The following GPC6 variants were observed in gnomAD, a reference collection of about 807,000 sequenced individuals.
The protein encoded by GPC6 is glypican-6.
GPC6 carries 14 observed loss-of-function variants against 55.2 expected under a neutral mutation model. The ratio of observed to expected loss-of-function variants is 0.25; its 90% CI spans 0.17 to 0.40. The LOEUF (loss-of-function observed/expected upper bound fraction) is 0.40, where lower values mean the gene tolerates loss of function less well. GPC6 is among the 10% of genes least tolerant of loss of function. GPC6 has a pLI of 1.00. For synonymous variants in GPC6, 278 were observed against 259.6 expected, an observed-to-expected ratio of 1.07 and a Z score of -0.68; for missense variants, 641 against 708.5, an observed-to-expected ratio of 0.90 and a Z score of 1.08.
chr13:93,414,956 A>G (rs1876644201), intron 1 of GPC6, among the ~76,000 whole-genome samples: 2 of 152,200 alleles, frequency 1.3e-5, no homozygotes, highest in African/African-American at 4.8e-5. Context: ...TGTTTTAGCA[A>G]GAAAACAAAA....
At chr13:94,109,992 T>C (rs977263760) in intron 4 of GPC6, among the ~76,000 whole-genome samples, 2 of 150,622 alleles carry the variant, frequency 1.3e-5, no homozygotes, top group Non-Finnish European at 2.9e-5. Flanking sequence ...AACATAATGA[T>C]TTGCAAAGCT....
intron 1 of GPC6, among the ~76,000 whole-genome samples, chr13:93,487,841 A>G (rs2139350587): frequency 6.6e-6 from 1 of 152,322 alleles, no homozygotes; most frequent in East Asian, 1.9e-4. Flanking sequence ...AATCTGTTTT[A>G]TTTACTGAAA....
intron 1 of GPC6, among the ~76,000 whole-genome samples, chr13:93,491,966 C>G (rs1330668098): frequency 8.0e-6 from 1 of 125,316 alleles, no homozygotes; most frequent in Non-Finnish European, 1.7e-5. Flanking sequence ...ATGCCTCCAG[C>G]TTTGTTCTTT....
intron 3 of GPC6, among the ~76,000 whole-genome samples, chr13:93,914,181 A>G (rs893986897): frequency 6.6e-6 from 1 of 151,958 alleles, no homozygotes; most frequent in African/African-American, 2.4e-5. Context: ...TCGTCATTTA[A>G]CATTAGGTAT....
chr13:93,738,945 ACACACAC>A (rs1884098152), intron 2 of GPC6, among the ~76,000 whole-genome samples: 1 of 132,892 alleles, frequency 7.5e-6, no homozygotes, highest in African/African-American at 2.9e-5. Context: ...TTACACACAC[ACACACAC>A]ACACACACAC....
At chr13:94,144,391 T>C (rs1203169881) in intron 4 of GPC6, among the ~76,000 whole-genome samples, 1 of 139,030 alleles carries the variant, frequency 7.2e-6, no homozygotes, top group Non-Finnish European at 1.5e-5. Context: ...CTTTGCCTCT[T>C]AGGTGCTTTT....
chr13:93,797,545 C>A (rs181568950), intron 2 of GPC6, among the ~76,000 whole-genome samples: 1 of 152,222 alleles, frequency 6.6e-6, no homozygotes, highest in Admixed American at 6.5e-5. Context: ...TATGAATGAG[C>A]AAGGGAATTA....
intron 3 of GPC6, among the ~76,000 whole-genome samples, chr13:93,992,808 G>A (rs1302824240): frequency 1.3e-5 from 2 of 152,154 alleles, no homozygotes; most frequent in African/African-American, 2.4e-5. Context: ...TAAAAGGACG[G>A]TGTATAGAAA....
At chr13:94,382,083 G>T (rs534365689) in intron 6 of GPC6, among the ~76,000 whole-genome samples, 14 of 152,202 alleles carry the variant, frequency 9.2e-5, no homozygotes, top group African/African-American at 3.4e-4. Flanking sequence ...TATACTTGGG[G>T]TGTTCACAAT....
intron 1 of GPC6, among the ~76,000 whole-genome samples, chr13:93,352,799 A>G (rs945195289): frequency 3.3e-5 from 5 of 152,180 alleles, no homozygotes; most frequent in African/African-American, 1.2e-4. Flanking sequence ...GAGGGTCTTA[A>G]TCAGATTTAC....
At chr13:93,247,948 A>G (rs1876658719) in intron 1 of GPC6, among the ~76,000 whole-genome samples, 1 of 152,200 alleles carries the variant, frequency 6.6e-6, no homozygotes, top group Admixed American at 6.5e-5. Flanking sequence ...TATTCAGACC[A>G]AAAAACATGA....
At chr13:93,543,001 T>C (rs1333177950) in intron 1 of GPC6, among the ~76,000 whole-genome samples, 1 of 152,196 alleles carries the variant, frequency 6.6e-6, no homozygotes, top group Non-Finnish European at 1.5e-5. Context: ...CTTTTCCTAA[T>C]TGAATACATT....
chr13:94,101,040 G>A (rs1885838227), intron 4 of GPC6, among the ~76,000 whole-genome samples: 1 of 152,236 alleles, frequency 6.6e-6, no homozygotes, highest in African/African-American at 2.4e-5. Context: ...TTGAAGCCAG[G>A]ACAGAACCTA....
At chr13:93,618,933 A>T (rs898578539) in intron 2 of GPC6, among the ~76,000 whole-genome samples, 2 of 152,060 alleles carry the variant, frequency 1.3e-5, no homozygotes, top group African/African-American at 4.8e-5. Context: ...GGTATAGCCT[A>T]CTCCAAACCT....
chr13:93,533,478 G>A (rs534271054), intron 1 of GPC6, among the ~76,000 whole-genome samples: 1 of 152,298 alleles, frequency 6.6e-6, no homozygotes, highest in African/African-American at 2.4e-5. Flanking sequence ...GGTACCAGAT[G>A]TGCTTGTTGA....
rs1195919997 is a variant in GPC6 at position 94,403,147 on chromosome 13, A to T, written c.1598A>T (p.Gln533Leu). ...DRREVDSSAA[Q>L]RGHSLLSWSL... ...AGAGAGGTGGACTCTTCTGCAGCCC[A>T]GCGTGGCCACTCCCTGCTCTCCTGG... is the stretch of plus-strand genomic sequence containing the variant. Residue 533 changes from glutamine to leucine, a missense_variant, in exon 9 of 9, where the codon CAG (glutamine) becomes CTG (leucine). Transcript: ENST00000377047. 1.2e-6 allele frequency: 2 copies of T among 1,614,016 alleles called. No individual in the cohort carries two copies. The highest frequency in any genetic ancestry group is 3.3e-5 in the Admixed American group (2 of 60,028).
At chr13:94,337,780 A>G (rs759820887) in intron 6 of GPC6, among the ~76,000 whole-genome samples, 1 of 152,196 alleles carries the variant, frequency 6.6e-6, no homozygotes, top group African/African-American at 2.4e-5. Flanking sequence ...CAAAGTAATC[A>G]GATCTACATT....
chr13:94,019,106 C>G (rs550041835), intron 3 of GPC6, among the ~76,000 whole-genome samples: 1 of 152,248 alleles, frequency 6.6e-6, no homozygotes, highest in African/African-American at 2.4e-5. Flanking sequence ...ACCTCATCTT[C>G]TGTTTTTTGG....
chr13:93,354,564 C>T (rs1198246228), intron 1 of GPC6, among the ~76,000 whole-genome samples: 11 of 148,076 alleles, frequency 7.4e-5, no homozygotes, highest in Non-Finnish European at 1.6e-4. Context: ...CTGGGTTTCA[C>T]CTTGTTAGCC....
Sources: gnomAD v4.1 joint callset for allele counts (sites outside exome capture counted in the v4.1 genomes callset) on GRCh38, gnomAD v4.1.1 for gene constraint, MANE v1.5 for transcripts, NCBI Gene and HGNC (gene_info 2026-07-23, HGNC 2026-07-21) for gene names.